EIPR1: variants seen among roughly 807,000 people sequenced by gnomAD.
EIPR1 encodes the protein EARP complex and GARP complex interacting protein 1.
A neutral mutation model predicts 48.1 loss-of-function variants in EIPR1; 25 were observed. The observed-to-expected ratio is 0.52, with a 90% CI of 0.38 to 0.73. The LOEUF is 0.73. Ranked by LOEUF, EIPR1 falls within the 30% of genes least tolerant of loss-of-function variation. EIPR1 has a pLI of 0.00. For missense variants in EIPR1, 415 were observed against 506.2 expected, an observed-to-expected ratio of 0.82 and a Z score of 1.73; for synonymous variants, 204 against 201.9, an observed-to-expected ratio of 1.01 and a Z score of -0.09.
chr2:3,347,640 G>A (rs1670443704), intron 2 of EIPR1, among the ~76,000 whole-genome samples: 1 of 152,216 alleles, frequency 6.6e-6, no homozygotes, highest in Non-Finnish European at 1.5e-5. Context: ...TTCTTCAAGA[G>A]TGAGGGAAAA....
intron 3 of EIPR1, among the ~76,000 whole-genome samples, chr2:3,260,790 G>T (rs1280549818): frequency 6.6e-6 from 1 of 152,146 alleles, no homozygotes; most frequent in African/African-American, 2.4e-5. Context: ...TTAATAATTG[G>T]AAGGAGGCAA....
chr2:3,212,343 C>T (rs1030890101), intron 5 of EIPR1, among the ~76,000 whole-genome samples: 6 of 152,216 alleles, frequency 3.9e-5, no homozygotes, highest in Non-Finnish European at 5.9e-5. Flanking sequence ...CCTTTCTCCC[C>T]GGCATCCTCC....
In EIPR1 at chr2:3,189,633, C is replaced by T. The variant is rs1664532997; in HGVS notation, c.990-125G>A. ...GGTACTGGGGCCTCAGCTTTCTCCG[C>T]TGTGGGATGGGAAGAATTAGAGGAG... On this transcript the variant is annotated intron_variant, in intron 8 of 8. Coordinates refer to ENST00000382125, the MANE Select transcript of EIPR1 (RefSeq NM_003310.5). The surrounding 1 kb of genome is among the most constrained non-coding windows in gnomAD (Gnocchi z 4.6). The T allele has an allele frequency of 3.3e-6, 3 of 919,914 alleles. No individual in the cohort carries two copies. The highest frequency in any genetic ancestry group is 3.0e-6 in the Non-Finnish European group (2 of 656,842). 57.0% of individuals were successfully genotyped at this position (919,914 alleles called of 1,614,324 possible).
chr2:3,330,819 C>T lies in EIPR1; in HGVS notation c.259+7198G>A, dbSNP rs141965161. ...AGAATGGTGTGAGCAGAGACAGGCA[C>T]GTGTACACTCGAGATGGTGTGAGCA... On this transcript the variant is annotated intron_variant, in intron 3 of 8. Transcript: ENST00000382125. Among the ~76,000 whole-genome samples the T allele has an allele frequency of 3.6e-3, 517 of 144,986 alleles. 2 individuals carry two copies. Among genetic ancestry groups the T allele is most frequent in the Non-Finnish European group, 3.9e-3 (262 of 66,972 alleles).
In EIPR1 at chr2:3,311,781, T is replaced by C. The variant is rs539487716; in HGVS notation, c.259+26236A>G. On this transcript the variant is annotated intron_variant, in intron 3 of 8. Coordinates refer to ENST00000382125, the MANE Select transcript of EIPR1 (RefSeq NM_003310.5). The stretch of plus-strand genomic sequence containing the variant: ...GGGCTCCACTCGCAGGATGCTGTGG[T>C]GGGGGGCTCCATTCGCGGGGTGCTG... Among the ~76,000 whole-genome samples, 4 of 45,742 alleles carry C rather than the reference T, an allele frequency of 8.7e-5. No homozygotes were observed. In the South Asian group the frequency reaches 2.8e-3, roughly 33 times the overall value. 30.0% of individuals were successfully genotyped at this position (45,742 alleles called of 152,430 possible).
At chr2:3,208,131 C>A (rs1460374606) in intron 5 of EIPR1, 1 of 173,340 alleles carries the variant, frequency 5.8e-6, no homozygotes, top group Admixed American at 5.6e-5. Context: ...GGTTTTAACC[C>A]GTTTTCCACT....
chr2:3,304,718 T>C (rs1337469646), intron 3 of EIPR1, among the ~76,000 whole-genome samples: 219 of 48,506 alleles, frequency 4.5e-3, no homozygotes, highest in Middle Eastern at 0.019. Context: ...ATTCAGCCCT[T>C]CAGTCCCGTC....
intron 4 of EIPR1, among the ~76,000 whole-genome samples, chr2:3,253,753 C>T (rs914189315): frequency 3.9e-5 from 6 of 152,210 alleles, no homozygotes; most frequent in South Asian, 2.1e-4. Context: ...GAGCTAAAGG[C>T]GACTGGTGGG....
chr2:3,250,901 A>C (rs896204940), intron 4 of EIPR1, among the ~76,000 whole-genome samples: 2 of 151,804 alleles, frequency 1.3e-5, no homozygotes, highest in African/African-American at 4.8e-5. Context: ...TGCTGGTACC[A>C]TGCTTATATA....
chr2:3,248,423 G>A (rs1239345519), intron 4 of EIPR1, among the ~76,000 whole-genome samples: 2 of 152,320 alleles, frequency 1.3e-5, no homozygotes, highest in East Asian at 3.9e-4. Flanking sequence ...GCAAAACGCT[G>A]TCTCTACTAA....
intron 4 of EIPR1, among the ~76,000 whole-genome samples, chr2:3,231,161 T>C (rs1666231156): frequency 6.6e-6 from 1 of 152,232 alleles, no homozygotes; most frequent in Non-Finnish European, 1.5e-5. Context: ...TCATTGTCAG[T>C]ATACAGAAAT....
At chr2:3,342,711 G>A (rs1013212406) in intron 2 of EIPR1, among the ~76,000 whole-genome samples, 2 of 152,236 alleles carry the variant, frequency 1.3e-5, no homozygotes, top group African/African-American at 4.8e-5. Flanking sequence ...CAGCCAGCGA[G>A]CACGCACAGG....
At chr2:3,343,369 C>A (rs934543418) in intron 2 of EIPR1, among the ~76,000 whole-genome samples, 3 of 152,204 alleles carry the variant, frequency 2.0e-5, no homozygotes, top group Admixed American at 1.3e-4. Context: ...ACAAGCAATG[C>A]GAGAAAGAAA....
intron 4 of EIPR1, among the ~76,000 whole-genome samples, chr2:3,244,864 A>G (rs975450864): frequency 2.6e-5 from 4 of 152,190 alleles, no homozygotes; most frequent in Non-Finnish European, 5.9e-5. Context: ...TACCTAAAAC[A>G]CCCATTTGCT....
chr2:3,304,482 C>T (rs1254895144), intron 3 of EIPR1, among the ~76,000 whole-genome samples: 2 of 12,792 alleles, frequency 1.6e-4, no homozygotes, highest in Non-Finnish European at 2.9e-4. Flanking sequence ...CCGTCCAGTT[C>T]AGCCCTCCAG....
chr2:3,275,166 GAC>G (rs1667810397), intron 3 of EIPR1, among the ~76,000 whole-genome samples: 1 of 152,114 alleles, frequency 6.6e-6, no homozygotes, highest in African/African-American at 2.4e-5. Flanking sequence ...TTGTTTACAA[GAC>G]ATATCCCTAA....
intron 1 of EIPR1, among the ~76,000 whole-genome samples, chr2:3,360,191 G>T (rs375625233): frequency 3.9e-5 from 6 of 152,188 alleles, no homozygotes; most frequent in African/African-American, 1.4e-4. Context: ...ATCACCTGAG[G>T]TCAGGAGTTC....
At chr2:3,324,792 G>A (rs895359583) in intron 3 of EIPR1, among the ~76,000 whole-genome samples, 2 of 152,214 alleles carry the variant, frequency 1.3e-5, no homozygotes, top group South Asian at 2.1e-4. Flanking sequence ...CAGGCGGCCT[G>A]CGCGCTCAGA....
intron 4 of EIPR1, among the ~76,000 whole-genome samples, chr2:3,230,625 T>G (rs1267094796): frequency 6.6e-6 from 1 of 152,260 alleles, no homozygotes. Flanking sequence ...TTTCCCATTG[T>G]GTATTCTTGG....
Sources: allele counts gnomAD v4.1 joint callset (sites outside exome capture counted in the v4.1 genomes callset), GRCh38; gene constraint gnomAD v4.1.1; non-coding constraint Gnocchi (gnomAD v3.1); transcripts MANE v1.5; gene names NCBI Gene and HGNC (gene_info 2026-07-23, HGNC 2026-07-21).